The following PARG variants were observed in gnomAD, a reference collection of about 807,000 sequenced individuals.
PARG encodes mitochondrial poly(ADP-ribose) glycohydrolase.
PARG carries 35 observed loss-of-function variants against 113.0 expected under a neutral mutation model. That is an observed-to-expected ratio of 0.31 (90% CI 0.24 to 0.41). The LOEUF (loss-of-function observed/expected upper bound fraction) is 0.41. Among genes scored for constraint, PARG ranks in the 10% least tolerant of loss-of-function variants. PARG has a pLI of 1.00. For synonymous variants in PARG, 330 were observed against 409.9 expected (o/e 0.81, Z 2.36); for missense variants, 797 against 1,169.4 (o/e 0.68, Z 4.64).
chr10:49,846,726 A>G (rs1845527958), intron 13 of PARG, among the ~76,000 whole-genome samples: 1 of 150,460 alleles, frequency 6.6e-6, no homozygotes, highest in Admixed American at 6.7e-5. Flanking sequence ...GGAGGTATCA[A>G]TATAAATTCA....
intron 8 of PARG, among the ~76,000 whole-genome samples, chr10:49,881,072 G>C (rs562899335): frequency 6.6e-6 from 1 of 152,116 alleles, no homozygotes; most frequent in East Asian, 1.9e-4. Context: ...ATAAAACCTT[G>C]GTCTCCACAA....
At chr10:49,874,325 C>T (rs1273102052) in intron 9 of PARG, among the ~76,000 whole-genome samples, 1 of 152,176 alleles carries the variant, frequency 6.6e-6, no homozygotes, top group Non-Finnish European at 1.5e-5. Context: ...AAAAAATCAA[C>T]ATTCATTTAC....
At chr10:49,907,204 T>C (rs782209799) in intron 7 of PARG, among the ~76,000 whole-genome samples, 2 of 152,224 alleles carry the variant, frequency 1.3e-5, no homozygotes, top group Non-Finnish European at 2.9e-5. Flanking sequence ...CAAAGAGCAT[T>C]TGTGGTGACA....
At position 49,885,131 on chromosome 10, in the gene PARG, T is replaced by C; in HGVS notation, c.1830+72A>G. 3 of 819,148 alleles carry C rather than the reference T, an allele frequency of 3.7e-6. No individual in the cohort carries two copies. The Admixed American group carries it at 5.1e-5, about 14-fold the overall frequency. The allele number at this position is 819,148 out of a possible 1,614,324, so 50.7% of individuals were successfully genotyped here. ...CTCTCTCTCTCTCTCTGTGTGACCC[T>C]GGCCATTCGAGTTTAAGGGAAATTC... On this transcript the variant is annotated intron_variant, in intron 8 of 17. Coordinates refer to ENST00000616448, the MANE Select transcript of PARG (RefSeq NM_003631.5).
At chr10:49,895,455 T>C (rs569939361) in intron 7 of PARG, among the ~76,000 whole-genome samples, 3 of 151,838 alleles carry the variant, frequency 2.0e-5, no homozygotes, top group Non-Finnish European at 4.4e-5. Flanking sequence ...CCAGGCTGGA[T>C]TGCAATGGCA....
chr10:49,937,935 C>T (rs1323986041), intron 1 of PARG, among the ~76,000 whole-genome samples: 1 of 152,204 alleles, frequency 6.6e-6, no homozygotes, highest in Admixed American at 6.5e-5. Flanking sequence ...GGTTTCCTTC[C>T]CAGCACACCA....
chr10:49,925,019 A>C (rs1380981234), intron 4 of PARG, among the ~76,000 whole-genome samples: 1 of 152,196 alleles, frequency 6.6e-6, no homozygotes, highest in Non-Finnish European at 1.5e-5. Flanking sequence ...CATAAGACGA[A>C]GAACCCTATT....
chr10:49,878,596 CAACAGA>C (rs1554838816), intron 9 of PARG, among the ~76,000 whole-genome samples: 1 of 133,664 alleles, frequency 7.5e-6, no homozygotes, highest in African/African-American at 2.7e-5. Context: ...CCAGCCTGGG[CAACAGA>C]GTGAAGCTCC....
intron 7 of PARG, among the ~76,000 whole-genome samples, chr10:49,887,044 TTATC>T (rs1375030507): frequency 1.3e-5 from 2 of 151,788 alleles, no homozygotes; most frequent in Non-Finnish European, 2.9e-5. Flanking sequence ...TGTTTATAAT[TTATC>T]TTTTTTTTTT....
intron 13 of PARG, among the ~76,000 whole-genome samples, chr10:49,843,874 G>A (rs1054533218): frequency 2.4e-4 from 37 of 152,226 alleles, no homozygotes; most frequent in African/African-American, 8.7e-4. Context: ...GAACTAAAGA[G>A]AGAGGCCAGG....
At chr10:49,840,917 G>A (rs780379941) in intron 15 of PARG, among the ~76,000 whole-genome samples, 9 of 152,128 alleles carry the variant, frequency 5.9e-5, no homozygotes, top group Admixed American at 5.9e-4. Context: ...TTTCAGAATT[G>A]GGTCAGTCTT....
At chr10:49,819,619 G>C in intron 17 of PARG, 125 bp from the exon 18 acceptor site, 2 of 685,162 alleles carry the variant, frequency 2.9e-6, no homozygotes, top group Non-Finnish European at 4.9e-6. Context: ...TGAAAATACA[G>C]CATGAATTTC....
At chr10:49,840,082 A>C (rs1337745000) in intron 15 of PARG, among the ~76,000 whole-genome samples, 1 of 152,192 alleles carries the variant, frequency 6.6e-6, no homozygotes, top group Non-Finnish European at 1.5e-5. Flanking sequence ...AAATGTATCC[A>C]ATTACTAGTA....
At position 49,941,570 on chromosome 10, in the gene PARG, C is replaced by G; in HGVS notation, c.156G>C (p.Pro52=). The G allele has an allele frequency of 6.4e-7, 1 of 1,561,452 alleles. No individual in the cohort carries two copies. The highest frequency in any genetic ancestry group is 8.7e-7 in the Non-Finnish European group (1 of 1,153,390). The change falls in exon 1 of 18, where the codon CCG becomes CCC. Residue 52 remains proline (P), a synonymous_variant. Transcript: ENST00000616448. ...GCCCTGGGACGCAGGCTGGCGAGGA[C>G]GGTGGGACCCTGAACTGCACGTGAG... ...KDAHVQFRVP[P]SSPACVPGRA... is the part of the protein sequence containing the mutation.
intron 16 of PARG, among the ~76,000 whole-genome samples, chr10:49,824,040 G>C (rs1554829100): frequency 1.3e-5 from 2 of 152,116 alleles, no homozygotes; most frequent in African/African-American, 4.8e-5. Context: ...TCTGTGACTA[G>C]CCAGTTACTC....
At chr10:49,896,375 C>T (rs1433971726) in intron 7 of PARG, among the ~76,000 whole-genome samples, 1 of 152,124 alleles carries the variant, frequency 6.6e-6, no homozygotes, top group Non-Finnish European at 1.5e-5. Context: ...ACCTCTGCTT[C>T]CTGGATTCAA....
intron 11 of PARG, among the ~76,000 whole-genome samples, chr10:49,863,712 T>TAA (rs1345701344): frequency 6.8e-6 from 1 of 147,394 alleles, no homozygotes; most frequent in Non-Finnish European, 1.5e-5. Flanking sequence ...TAGAGATTAA[T>TAA]AGAAGAGTGA....
chr10:49,820,448 G>A (rs558244980), intron 16 of PARG, among the ~76,000 whole-genome samples, 155 bp from the exon 17 acceptor site: 30 of 152,098 alleles, frequency 2.0e-4, no homozygotes, highest in African/African-American at 5.8e-4. Context: ...AAGGCTGGGC[G>A]CGGTGCCTCA....
intron 16 of PARG, among the ~76,000 whole-genome samples, chr10:49,823,730 C>T (rs1844220409): frequency 6.6e-6 from 1 of 151,998 alleles, no homozygotes; most frequent in Non-Finnish European, 1.5e-5. Flanking sequence ...TAAGTATTTA[C>T]TATTAAAAAA....
Sources: gnomAD v4.1 joint callset for allele counts (sites outside exome capture counted in the v4.1 genomes callset) on GRCh38, gnomAD v4.1.1 for gene constraint, MANE v1.5 for transcripts, NCBI Gene and HGNC (gene_info 2026-07-23, HGNC 2026-07-21) for gene names.